Variants in KLF8 observed in about 807,000 individuals in gnomAD.
KLF8 encodes KLF transcription factor 8.
KLF8 carries 10 observed loss-of-function variants against 18.2 expected under a neutral mutation model. That is an observed-to-expected ratio of 0.55 (90% CI 0.34 to 0.93). The LOEUF is 0.93. Among genes scored for constraint, KLF8 ranks in the 40% least tolerant of loss-of-function variants. KLF8 has a pLI of 0.02. For missense variants in KLF8, 264 were observed against 277.9 expected, an observed-to-expected ratio of 0.95 and a Z score of 0.36; for synonymous variants, 109 against 97.3, an observed-to-expected ratio of 1.12 and a Z score of -0.71.
At chrX:56,163,907 T>C in the KLF8 span, among the ~76,000 whole-genome samples, 7 of 111,626 alleles carry the variant, frequency 6.3e-5, no homozygotes, top group African/African-American at 2.3e-4. Flanking sequence ...TAGATAGTTG[T>C]AGGTGTGCAG....
chrX:55,961,174 C>T, the KLF8 span: 1 of 248,485 alleles, frequency 4.0e-6, no homozygotes, highest in Admixed American at 5.3e-5. Flanking sequence ...TCCACTCTGT[C>T]CTGTGGCTGC....
chrX:56,034,535 G>C, the KLF8 span, among the ~76,000 whole-genome samples: 2 of 110,320 alleles, frequency 1.8e-5, no homozygotes, highest in Non-Finnish European at 1.9e-5. Flanking sequence ...TTTTATGATT[G>C]ACACAGTTAT....
At chrX:55,965,565 A>T in the KLF8 span, among the ~76,000 whole-genome samples, 1 of 111,696 alleles carries the variant, frequency 9.0e-6, no homozygotes, top group Non-Finnish European at 1.9e-5. Context: ...AAATAAATGG[A>T]CTCTAAATAG....
At chrX:55,927,097 G>A in the KLF8 span, among the ~76,000 whole-genome samples, 1 of 111,801 alleles carries the variant, frequency 8.9e-6, no homozygotes, top group Admixed American at 9.5e-5. Context: ...AGAATCCAGT[G>A]GAAATATTTT....
the KLF8 span, among the ~76,000 whole-genome samples, chrX:56,199,556 G>A: frequency 8.9e-6 from 1 of 111,749 alleles, no homozygotes; most frequent in East Asian, 2.8e-4. Context: ...AGTTAGAATG[G>A]CAATCATTAA....
At chrX:56,020,413 C>G in the KLF8 span, among the ~76,000 whole-genome samples, 3 of 111,902 alleles carry the variant, frequency 2.7e-5, no homozygotes, top group East Asian at 8.4e-4. Context: ...CCATGTGAAA[C>G]AGTGGGCCTT....
the KLF8 span, among the ~76,000 whole-genome samples, chrX:56,005,417 G>T: frequency 1.8e-5 from 2 of 112,061 alleles, no homozygotes; most frequent in Non-Finnish European, 3.8e-5. Context: ...GAGCAAGGCT[G>T]CTGCAGTTAA....
chrX:56,266,621 C>T, intron 3 of KLF8: 1 of 750,188 alleles, frequency 1.3e-6, no homozygotes, highest in Non-Finnish European at 1.6e-6. Context: ...AGTCTCTCTT[C>T]CACCACTATC....
chrX:55,927,206 C>T, the KLF8 span, among the ~76,000 whole-genome samples: 1 of 111,942 alleles, frequency 8.9e-6, no homozygotes, highest in Non-Finnish European at 1.9e-5. Context: ...ATTTTTTCCT[C>T]TGGAGGGCTA....
chrX:56,189,231 A>C, the KLF8 span, among the ~76,000 whole-genome samples: 1 of 112,179 alleles, frequency 8.9e-6, no homozygotes, highest in Non-Finnish European at 1.9e-5. Flanking sequence ...GACACTTCTC[A>C]AAAAAAGACA....
the KLF8 span, among the ~76,000 whole-genome samples, chrX:55,916,693 C>T: frequency 1.8e-5 from 2 of 111,582 alleles, no homozygotes; most frequent in African/African-American, 6.5e-5. Context: ...AAATGTAATG[C>T]CTGGGCTTTA....
At chrX:56,105,169 G>T in the KLF8 span, among the ~76,000 whole-genome samples, 1 of 111,782 alleles carries the variant, frequency 8.9e-6, no homozygotes, top group Non-Finnish European at 1.9e-5. Flanking sequence ...GTGATGTGGT[G>T]CTGAGAAGAA....
the KLF8 span, among the ~76,000 whole-genome samples, chrX:56,095,166 A>G: frequency 8.9e-6 from 1 of 111,814 alleles, no homozygotes; most frequent in South Asian, 3.7e-4. Flanking sequence ...GAAATAAAAC[A>G]CCATACCTAC....
the KLF8 span, among the ~76,000 whole-genome samples, chrX:55,979,452 TC>T: frequency 8.9e-6 from 1 of 111,938 alleles, no homozygotes; most frequent in Non-Finnish European, 1.9e-5. Context: ...TTGGTACATA[TC>T]CCACATGGAT....
chrX:56,091,780 C>A, the KLF8 span, among the ~76,000 whole-genome samples: 2 of 111,991 alleles, frequency 1.8e-5, no homozygotes, highest in African/African-American at 6.5e-5. Context: ...CAGGCATGAG[C>A]CATCGTGCCT....
the KLF8 span, among the ~76,000 whole-genome samples, chrX:55,991,322 T>C: frequency 8.9e-6 from 1 of 112,340 alleles, no homozygotes; most frequent in Non-Finnish European, 1.9e-5. Context: ...GGATATAATC[T>C]CCTGGTATGC....
the KLF8 span, among the ~76,000 whole-genome samples, chrX:56,106,478 T>C: frequency 1.6e-3 from 184 of 112,111 alleles, no homozygotes; most frequent in Middle Eastern, 9.2e-3. Flanking sequence ...CCATCACTGA[T>C]ACCCTTTCTT....
chrX:56,197,141 A>G, the KLF8 span, among the ~76,000 whole-genome samples: 1 of 111,797 alleles, frequency 8.9e-6, no homozygotes, highest in East Asian at 2.8e-4. Flanking sequence ...AAGAGAAAGC[A>G]GGAAAGATCT....
chrX:56,081,437 C>T, the KLF8 span, among the ~76,000 whole-genome samples: 1 of 111,811 alleles, frequency 8.9e-6, no homozygotes, highest in African/African-American at 3.2e-5. Context: ...AAAGTAGTTT[C>T]CGTGTTTCAT....
Sources: allele counts gnomAD v4.1 joint callset (sites outside exome capture counted in the v4.1 genomes callset), GRCh38; gene constraint gnomAD v4.1.1; transcripts MANE v1.5; gene names NCBI Gene and HGNC (gene_info 2026-07-23, HGNC 2026-07-21).